MID1: variants seen among roughly 807,000 people sequenced by gnomAD.
MID1 encodes the protein midline 1.
MID1 carries 7 observed loss-of-function variants against 40.4 expected under a neutral mutation model. The ratio of observed to expected loss-of-function variants is 0.17; its 90% CI spans 0.10 to 0.33. MID1 has a LOEUF of 0.33. Ranked by LOEUF, MID1 falls within the 10% of genes least tolerant of loss-of-function variation. MID1 has a pLI of 1.00. For missense variants in MID1, 367 were observed against 558.5 expected (o/e 0.66, Z 3.46); for synonymous variants, 229 against 221.2 (o/e 1.04, Z -0.31).
intron 1 of MID1, among the ~76,000 whole-genome samples, chrX:10,574,253 T>G (rs1226217485): frequency 9.0e-6 from 1 of 110,898 alleles, no homozygotes; most frequent in Non-Finnish European, 1.9e-5. Flanking sequence ...AATGATGAGA[T>G]ATGACAAAGA....
At chrX:10,484,196 G>A (rs1930495050) in intron 4 of MID1, among the ~76,000 whole-genome samples, 1 of 112,184 alleles carries the variant, frequency 8.9e-6, no homozygotes, top group Non-Finnish European at 1.9e-5. Context: ...ATTCCAGAAG[G>A]AAAACTAATT....
intron 2 of MID1, among the ~76,000 whole-genome samples, chrX:10,537,801 A>G (rs1428895166): frequency 2.7e-5 from 3 of 111,743 alleles, no homozygotes. Flanking sequence ...CTCTGTCCTG[A>G]CACGATTCAG....
chrX:10,822,735 T>A (rs891321412), intron 1 of MID1, among the ~76,000 whole-genome samples: 1 of 112,078 alleles, frequency 8.9e-6, no homozygotes, highest in African/African-American at 3.2e-5. Context: ...TCAACATCAC[T>A]GATCAAGAGA....
intron 1 of MID1, among the ~76,000 whole-genome samples, chrX:10,690,049 AG>A (rs764958157): frequency 4.4e-4 from 16 of 36,220 alleles, no homozygotes; most frequent in African/African-American, 1.8e-3. Flanking sequence ...ACAGGAAATG[AG>A]GGGCAGGGTG....
chrX:10,831,932 T>A (rs761962296), intron 1 of MID1, among the ~76,000 whole-genome samples: 6 of 112,397 alleles, frequency 5.3e-5, no homozygotes, highest in African/African-American at 1.9e-4. Context: ...GGCCATCTCA[T>A]CAGCAGGGTG....
chrX:10,535,562 A>G (rs1188180715), intron 2 of MID1, among the ~76,000 whole-genome samples: 4 of 111,701 alleles, frequency 3.6e-5, no homozygotes, highest in African/African-American at 1.3e-4. Context: ...TTATACTTGA[A>G]AATATAAGGG....
chrX:10,634,102 C>T (rs1283903737), intron 1 of MID1, among the ~76,000 whole-genome samples: 1 of 111,190 alleles, frequency 9.0e-6, no homozygotes, highest in Non-Finnish European at 1.9e-5. Context: ...TGTGCCCTTT[C>T]TGGTAACAAA....
chrX:10,638,286 A>G (rs1936144219), intron 1 of MID1, among the ~76,000 whole-genome samples: 1 of 111,870 alleles, frequency 8.9e-6, no homozygotes, highest in South Asian at 3.8e-4. Flanking sequence ...CAGCAACTGG[A>G]AAATCGGGAC....
At position 10,447,637 on chromosome X, in the gene MID1, A is replaced by G. The variant is rs1928097168; in HGVS notation, c.*1731T>C. On this transcript the variant is annotated 3_prime_UTR_variant, in exon 10 of 10. Transcript: ENST00000317552. The stretch of plus-strand genomic sequence containing the variant: ...GTCTTAGGTATCTATCAAAATATTC[A>G]TCTGGGTATAAATAATATAGTAAAT... 9.0e-6 allele frequency: 1 copy of G among 111,547 alleles called. No homozygotes were observed. Among genetic ancestry groups the G allele is most frequent in the Non-Finnish European group, 1.9e-5 (1 of 53,127 alleles). The allele number at this position is 111,547 out of a possible 1,213,427, so 9.2% of individuals were successfully genotyped here. A position where few individuals can be genotyped will look rare whatever the true frequency, so the allele number is the denominator to read the frequency against.
chrX:10,609,770 T>C (rs1447999011), intron 1 of MID1, among the ~76,000 whole-genome samples: 1 of 101,157 alleles, frequency 9.9e-6, no homozygotes, highest in African/African-American at 3.8e-5. Context: ...CAGGCTGGAG[T>C]GCAGTGGCGC....
chrX:10,652,806 C>T (rs997141057), intron 1 of MID1, among the ~76,000 whole-genome samples: 1 of 111,317 alleles, frequency 9.0e-6, no homozygotes, highest in Admixed American at 9.6e-5. Context: ...TTCTTGCCTC[C>T]AGGATATCAG....
At chrX:10,591,543 G>A (rs1026587939) in intron 1 of MID1, among the ~76,000 whole-genome samples, 7 of 112,077 alleles carry the variant, frequency 6.2e-5, no homozygotes, top group Non-Finnish European at 1.3e-4. Context: ...GGCAAAGGGT[G>A]CCAGACCATG....
intron 1 of MID1, among the ~76,000 whole-genome samples, chrX:10,784,820 G>A (rs960782317): frequency 9.0e-6 from 1 of 110,660 alleles, no homozygotes; most frequent in Non-Finnish European, 1.9e-5. Context: ...TTGATGGGAC[G>A]CATCTCAAAA....
intron 1 of MID1, among the ~76,000 whole-genome samples, chrX:10,720,729 T>C (rs1387623910): frequency 1.8e-5 from 2 of 110,839 alleles, no homozygotes; most frequent in Non-Finnish European, 3.8e-5. Flanking sequence ...AATCATGCTG[T>C]TATAAAGACA....
chrX:10,530,798 T>C (rs1299133430), intron 2 of MID1, among the ~76,000 whole-genome samples: 1 of 111,805 alleles, frequency 8.9e-6, no homozygotes, highest in Non-Finnish European at 1.9e-5. Flanking sequence ...CCCAATCAAA[T>C]AGCAAGGGAA....
At chrX:10,704,729 T>TACAC (rs1280810951) in intron 1 of MID1, among the ~76,000 whole-genome samples, 2 of 83,464 alleles carry the variant, frequency 2.4e-5, no homozygotes, top group African/African-American at 1.1e-4. Context: ...TATATATATA[T>TACAC]ATATATATAT....
At chrX:10,719,285 T>C (rs1308939746) in intron 1 of MID1, among the ~76,000 whole-genome samples, 1 of 111,234 alleles carries the variant, frequency 9.0e-6, no homozygotes, top group East Asian at 2.8e-4. Context: ...CATGATTGTG[T>C]ATCTAGAAAA....
chrX:10,738,949 CA>C (rs377057937), intron 1 of MID1, among the ~76,000 whole-genome samples: 797 of 65,614 alleles, frequency 0.012, no homozygotes, highest in African/African-American at 0.012. Context: ...CTACTAAAGG[CA>C]AAAAAAAAAA....
At chrX:10,613,740 G>T (rs866205995) in intron 1 of MID1, among the ~76,000 whole-genome samples, 486 of 64,847 alleles carry the variant, frequency 7.5e-3, no homozygotes, top group Non-Finnish European at 9.2e-3. Flanking sequence ...TATAGAGAGA[G>T]AGAGAGAGAG....
Sources: allele counts gnomAD v4.1 joint callset (sites outside exome capture counted in the v4.1 genomes callset), GRCh38; gene constraint gnomAD v4.1.1; transcripts MANE v1.5; gene names NCBI Gene and HGNC (gene_info 2026-07-23, HGNC 2026-07-21).